The following MON2 variants were observed in gnomAD, a reference collection of about 807,000 sequenced individuals.
MON2 encodes the protein MON2 regulator of endosome-to-Golgi trafficking, also known as protein MON2 homolog.
A neutral mutation model predicts 208.6 loss-of-function variants in MON2; 84 were observed. The observed-to-expected ratio is 0.40, with a 90% CI of 0.34 to 0.48. The LOEUF (loss-of-function observed/expected upper bound fraction) is 0.48, where lower values mean the gene tolerates loss of function less well. MON2 is among the 20% of genes least tolerant of loss of function. The probability of loss-of-function intolerance (pLI) is 0.59; values close to 1 mark genes in which losing one functional copy is unlikely to be tolerated. For missense variants in MON2, 1,611 were observed against 2,015.4 expected (o/e 0.80, Z 3.84); for synonymous variants, 660 against 694.0 (o/e 0.95, Z 0.77).
In MON2 at chr12:62,467,216, C is replaced by A. The variant is rs1488369536; in HGVS notation, c.9C>A (p.Gly3=). The A allele has an allele frequency of 6.2e-7, 1 of 1,612,436 alleles. No individual in the cohort carries two copies. The highest frequency in any genetic ancestry group is 8.5e-7 in the Non-Finnish European group (1 of 1,179,970). ...TGGGACCTTGGAGGATCATGTCCGG[C>A]ACCAGCAGCCCCGAGGCGGTGAAGA... MS[G]TSSPEAVKKL... is the part of the protein sequence containing the mutation. Residue 3 remains glycine, a synonymous_variant, in exon 1 of 35, where the codon GGC becomes GGA. Coordinates refer to ENST00000393630, the MANE Select transcript of MON2 (RefSeq NM_015026.3).
intron 1 of MON2, among the ~76,000 whole-genome samples, chr12:62,468,957 G>GT (rs1280327141): frequency 6.6e-6 from 1 of 151,842 alleles, no homozygotes; most frequent in East Asian, 1.9e-4. Context: ...TTTTTGTTTT[G>GT]TTTTTTGATT....
chr12:62,584,830 G>A (rs1172478096), intron 32 of MON2, among the ~76,000 whole-genome samples: 3 of 151,840 alleles, frequency 2.0e-5, no homozygotes, highest in African/African-American at 7.3e-5. Flanking sequence ...TGTCTAGAGA[G>A]CAACTGCCGG....
At chr12:62,494,935 G>A in intron 3 of MON2, 81 bp from the exon 4 acceptor site, 1 of 1,020,194 alleles carries the variant, frequency 9.8e-7, no homozygotes, top group Non-Finnish European at 1.4e-6. Context: ...AGCTGATGTA[G>A]GTTTGTATAC....
chr12:62,548,220 T>C (rs973216758), intron 22 of MON2, among the ~76,000 whole-genome samples: 2 of 152,174 alleles, frequency 1.3e-5, no homozygotes, highest in African/African-American at 4.8e-5. Context: ...CTACAAGTGC[T>C]CACTAGAAAT....
intron 25 of MON2, 74 bp downstream of exon 25, chr12:62,556,266 TTA>T: frequency 1.5e-6 from 2 of 1,346,576 alleles, no homozygotes; most frequent in East Asian, 5.0e-5. Flanking sequence ...GACGATTCTT[TTA>T]GAGTCTATCT....
At position 62,589,829 on chromosome 12, in the gene MON2, C is replaced by T. The variant is rs2075339467; in HGVS notation, c.4990+1673C>T. ...ACTCAGTAACTCTTTTTTACAAAGC[C>T]AATAGGTTATATGTATAAGGCAGTG... On this transcript the variant is annotated intron_variant, in intron 34 of 34. Coordinates refer to ENST00000393630, the MANE Select transcript of MON2 (RefSeq NM_015026.3). 4.0e-5 allele frequency among the ~76,000 whole-genome samples: 6 copies of T among 150,428 alleles called. No individual in the cohort carries two copies. In the South Asian group the frequency reaches 1.3e-3, roughly 32 times the overall value.
intron 1 of MON2, among the ~76,000 whole-genome samples, chr12:62,476,086 A>G (rs1047823697): frequency 6.6e-6 from 1 of 152,190 alleles, no homozygotes; most frequent in Non-Finnish European, 1.5e-5. Flanking sequence ...AGTTATATAC[A>G]TGTAATCTGC....
intron 12 of MON2, among the ~76,000 whole-genome samples, chr12:62,534,567 A>ATATATATATATATATATATATC (rs2072872182): frequency 8.8e-6 from 1 of 113,704 alleles, no homozygotes; most frequent in Non-Finnish European, 1.8e-5. Context: ...ATATATATAT[A>ATATATATATATATATATATATC]TTTTATATAT....
chr12:62,555,933 T>G (rs2073951235), intron 24 of MON2, 61 bp from the exon 25 acceptor site: 1 of 1,241,674 alleles, frequency 8.1e-7, no homozygotes, highest in Admixed American at 2.0e-5. Flanking sequence ...CTGTTGCTCC[T>G]ATGCTATTAC....
At chr12:62,566,154 A>T in intron 28 of MON2, 123 bp downstream of exon 28, 1 of 1,359,388 alleles carries the variant, frequency 7.4e-7, no homozygotes. Flanking sequence ...CTGGCTGAAA[A>T]TTATTTTTTT....
chr12:62,476,012 A>AAAAAG (rs147977980), intron 1 of MON2, among the ~76,000 whole-genome samples: 2 of 150,136 alleles, frequency 1.3e-5, no homozygotes, highest in African/African-American at 4.9e-5. Context: ...ACTCCGTCTC[A>AAAAAG]AAAAGAAAAG....
intron 21 of MON2, among the ~76,000 whole-genome samples, chr12:62,546,405 T>C (rs1469128644): frequency 6.6e-6 from 1 of 152,200 alleles, no homozygotes; most frequent in Non-Finnish European, 1.5e-5. Context: ...TTTAAAAATA[T>C]AGATTTGTCT....
At chr12:62,475,591 A>T (rs986838111) in intron 1 of MON2, among the ~76,000 whole-genome samples, 28 of 151,154 alleles carry the variant, frequency 1.9e-4, no homozygotes, top group African/African-American at 6.3e-4. Context: ...GTAATTTTGT[A>T]TTTTAGTTTC....
intron 4 of MON2, among the ~76,000 whole-genome samples, chr12:62,496,918 CAAT>C (rs2070524420): frequency 6.9e-6 from 1 of 145,158 alleles, no homozygotes; most frequent in Non-Finnish European, 1.5e-5. Flanking sequence ...AAATGTCCAA[CAAT>C]GATAGACTGG....
At chr12:62,565,002 T>C in intron 26 of MON2, 1 of 369,018 alleles carries the variant, frequency 2.7e-6, no homozygotes, top group South Asian at 4.2e-5. Context: ...TCTATTCTTT[T>C]AAGAAATAAA....
At chr12:62,570,462 T>C (rs1169306820) in intron 29 of MON2, among the ~76,000 whole-genome samples, 3 of 152,158 alleles carry the variant, frequency 2.0e-5, no homozygotes, top group African/African-American at 7.2e-5. Flanking sequence ...TCACCATTAG[T>C]GGGAAAATAC....
Position 62,508,360 on chromosome 12 carries a change from G to A in MON2, c.864G>A (p.Lys288=), listed in dbSNP as rs1433427935. 1 of 1,613,934 alleles carries A rather than the reference G, an allele frequency of 6.2e-7. No homozygotes were observed. The highest frequency in any genetic ancestry group is 1.1e-5 in the South Asian group (1 of 91,074). The change falls in exon 8 of 35, where the codon AAG becomes AAA. Residue 288 remains lysine (K), a synonymous_variant. Coordinates refer to ENST00000393630, the MANE Select transcript of MON2 (RefSeq NM_015026.3). ...LVIKLFSPNI[K]FRQGSSTSSS... ...TAAAGCTCTTTTCTCCAAATATAAA[G>A]TTCAGACAAGGTTCCAGCACCTCAT...
At chr12:62,526,195 C>G in intron 11 of MON2, 93 bp downstream of exon 11, 2 of 1,167,858 alleles carry the variant, frequency 1.7e-6, no homozygotes, top group Non-Finnish European at 2.5e-6. Flanking sequence ...AAATTTTAGA[C>G]CCACTACTTC....
At chr12:62,582,817 T>A (rs1296322712) in intron 32 of MON2, among the ~76,000 whole-genome samples, 1 of 152,176 alleles carries the variant, frequency 6.6e-6, no homozygotes, top group African/African-American at 2.4e-5. Flanking sequence ...GTTCCAGTGA[T>A]GATTGGCCTT....
Sources: gnomAD v4.1 joint callset for allele counts (sites outside exome capture counted in the v4.1 genomes callset) on GRCh38, gnomAD v4.1.1 for gene constraint, MANE v1.5 for transcripts, NCBI Gene and HGNC (gene_info 2026-07-23, HGNC 2026-07-21) for gene names.